LSG1: variants seen among roughly 807,000 people sequenced by gnomAD.
The protein encoded by LSG1 is large subunit GTPase 1 homolog.
A neutral mutation model predicts 82.6 loss-of-function variants in LSG1; 55 were observed. The observed-to-expected ratio is 0.67, with a 90% CI of 0.54 to 0.83. LSG1 has a LOEUF of 0.83. Among genes scored for constraint, LSG1 ranks in the 40% least tolerant of loss-of-function variants. LSG1 has a pLI of 0.00. For missense variants in LSG1, 809 were observed against 807.9 expected, an observed-to-expected ratio of 1.00 and a Z score of -0.02; for synonymous variants, 272 against 282.5, an observed-to-expected ratio of 0.96 and a Z score of 0.37.
chr3:194,655,480 C>A (rs1279731043), intron 7 of LSG1, among the ~76,000 whole-genome samples: 1 of 152,142 alleles, frequency 6.6e-6, no homozygotes, highest in East Asian at 1.9e-4. Flanking sequence ...ACAGGGCAAA[C>A]TATTCTTCTG....
chr3:194,660,509 A>C (rs538089412), intron 5 of LSG1, among the ~76,000 whole-genome samples: 1 of 152,310 alleles, frequency 6.6e-6, no homozygotes, highest in Non-Finnish European at 1.5e-5. Context: ...AGAGTATTCC[A>C]AACACTTCAC....
At chr3:194,645,565 C>G (rs1484672199) in intron 12 of LSG1, among the ~76,000 whole-genome samples, 12 of 62,882 alleles carry the variant, frequency 1.9e-4, no homozygotes, top group African/African-American at 5.8e-4. Context: ...CACACACACA[C>G]ACACAGACAG....
At chr3:194,645,543 C>CACACACACACAG (rs1718517989) in intron 12 of LSG1, 1 of 45,314 alleles carries the variant, frequency 2.2e-5, no homozygotes, top group African/African-American at 8.4e-5. Flanking sequence ...CAGACACACA[C>CACACACACACAG]ACACACACAC....
intron 13 of LSG1, 27 bp from the exon 14 acceptor site, chr3:194,642,274 G>A (rs201772711): frequency 3.7e-6 from 6 of 1,601,118 alleles, no homozygotes; most frequent in Non-Finnish European, 4.3e-6. Flanking sequence ...AACATTATCT[G>A]AGCTGTCAGC....
intron 1 of LSG1, among the ~76,000 whole-genome samples, chr3:194,671,339 T>C (rs1022495833): frequency 2.0e-5 from 3 of 152,212 alleles, no homozygotes; most frequent in African/African-American, 7.2e-5. Flanking sequence ...AAGCACTCCA[T>C]GCTGTTTACT....
At chr3:194,654,850 C>T (rs1230085208) in intron 7 of LSG1, among the ~76,000 whole-genome samples, 1 of 152,150 alleles carries the variant, frequency 6.6e-6, no homozygotes, top group African/African-American at 2.4e-5. Context: ...CCAAAGGAAA[C>T]CAGAGATACT....
chr3:194,646,987 C>T (rs967278572), intron 11 of LSG1, among the ~76,000 whole-genome samples: 10 of 152,176 alleles, frequency 6.6e-5, no homozygotes, highest in Non-Finnish European at 1.0e-4. Context: ...AGAAAAGCAG[C>T]GAAGCATGGT....
At chr3:194,669,803 G>A (rs1049454190) in intron 2 of LSG1, among the ~76,000 whole-genome samples, 1 of 152,148 alleles carries the variant, frequency 6.6e-6, no homozygotes, top group African/African-American at 2.4e-5. Flanking sequence ...GTGGCAGTGC[G>A]TGCCTGTAGT....
intron 2 of LSG1, 37 bp from the exon 3 acceptor site, chr3:194,666,609 C>A (rs202106036): frequency 6.3e-7 from 1 of 1,576,426 alleles, no homozygotes; most frequent in African/African-American, 1.4e-5. Context: ...ACTTAAGAGG[C>A]AGTATAGATA....
chr3:194,665,407 C>T (rs1705966), intron 5 of LSG1, 150 bp downstream of exon 5: 350,114 of 513,138 alleles, frequency 0.68, 121,488 homozygotes, highest in East Asian at 0.85. Context: ...ACAAAATATA[C>T]GGTAGTATCA....
intron 12 of LSG1, 83 bp downstream of exon 12, chr3:194,646,081 T>C: frequency 7.6e-7 from 1 of 1,323,926 alleles, no homozygotes; most frequent in Non-Finnish European, 1.1e-6. Flanking sequence ...TCCTTTATAA[T>C]CGAACAGGTT....
At chr3:194,663,388 T>G (rs1182508305) in intron 5 of LSG1, among the ~76,000 whole-genome samples, 1 of 143,662 alleles carries the variant, frequency 7.0e-6, no homozygotes, top group Admixed American at 7.1e-5. Flanking sequence ...GAGAAAGCCT[T>G]TCCCTTCTTC....
At chr3:194,664,233 G>A (rs907125828) in intron 5 of LSG1, among the ~76,000 whole-genome samples, 2 of 152,152 alleles carry the variant, frequency 1.3e-5, no homozygotes, top group Non-Finnish European at 2.9e-5. Flanking sequence ...GATCACAGGT[G>A]TGAGCCACCG....
intron 6 of LSG1, among the ~76,000 whole-genome samples, 183 bp from the exon 7 acceptor site, chr3:194,659,316 C>A (rs1434100614): frequency 2.0e-5 from 3 of 152,148 alleles, no homozygotes; most frequent in African/African-American, 7.2e-5. Context: ...AGAAGTTCCA[C>A]CATTAATATT....
chr3:194,660,315 A>G (rs1349795038), intron 5 of LSG1, among the ~76,000 whole-genome samples, 182 bp from the exon 6 acceptor site: 2 of 152,220 alleles, frequency 1.3e-5, no homozygotes, highest in African/African-American at 2.4e-5. Flanking sequence ...GCAGTTAAGT[A>G]ACTTGCCCAA....
chr3:194,654,265 T>C (rs1037930), intron 7 of LSG1, among the ~76,000 whole-genome samples: 98,560 of 151,972 alleles, frequency 0.65, 32,645 homozygotes, highest in East Asian at 0.87. Flanking sequence ...CTTTGGAAAG[T>C]GAAAGGTACA....
At chr3:194,659,189 C>T in intron 6 of LSG1, 56 bp from the exon 7 acceptor site, 2 of 1,413,868 alleles carry the variant, frequency 1.4e-6, no homozygotes, top group Non-Finnish European at 9.8e-7. Context: ...AAAAATGAGG[C>T]TAATTATATT....
chr3:194,670,171 C>T, intron 1 of LSG1, 36 bp from the exon 2 acceptor site: 1 of 1,609,360 alleles, frequency 6.2e-7, no homozygotes, highest in Non-Finnish European at 8.5e-7. Flanking sequence ...TACAGCTGCT[C>T]TCTTCTGCTC....
chr3:194,644,876 G>T, intron 12 of LSG1, 130 bp from the exon 13 acceptor site: 1 of 602,052 alleles, frequency 1.7e-6, no homozygotes, highest in Non-Finnish European at 2.6e-6. Flanking sequence ...GTTGAGTTTT[G>T]GTCTACTGCA....
Sources: gnomAD v4.1 joint callset for allele counts (sites outside exome capture counted in the v4.1 genomes callset) on GRCh38, gnomAD v4.1.1 for gene constraint, MANE v1.5 for transcripts, NCBI Gene and HGNC (gene_info 2026-07-23, HGNC 2026-07-21) for gene names.